The following PDLIM5 variants were observed in gnomAD, a reference collection of about 807,000 sequenced individuals.
PDLIM5 encodes PDZ and LIM domain protein 5.
Under a neutral mutation model 64.2 loss-of-function variants are expected in PDLIM5, and 34 were observed. The observed-to-expected ratio is 0.53, with a 90% CI of 0.40 to 0.71. PDLIM5 has a LOEUF of 0.71. Ranked by LOEUF, PDLIM5 falls within the 30% of genes least tolerant of loss-of-function variation. The pLI is 0.00. For missense variants in PDLIM5, 683 were observed against 733.6 expected (o/e 0.93, Z 0.80); for synonymous variants, 253 against 269.1 (o/e 0.94, Z 0.59).
intron 8 of PDLIM5, among the ~76,000 whole-genome samples, chr4:94,630,649 A>G (rs1346366820): frequency 1.3e-5 from 2 of 152,018 alleles, no homozygotes; most frequent in Non-Finnish European, 2.9e-5. Flanking sequence ...TGCTGGGATA[A>G]TAGGCGTGAG....
At chr4:94,564,028 G>A (rs1423588068) in intron 3 of PDLIM5, among the ~76,000 whole-genome samples, 4 of 144,454 alleles carry the variant, frequency 2.8e-5, no homozygotes, top group Non-Finnish European at 4.5e-5. Flanking sequence ...CAGAGGTGCA[G>A]TCTCGGCTTA....
chr4:94,486,222 T>C (rs541960629), intron 2 of PDLIM5, among the ~76,000 whole-genome samples: 1 of 152,276 alleles, frequency 6.6e-6, no homozygotes, highest in East Asian at 1.9e-4. Context: ...TTTGGAGATA[T>C]AACCAAATAA....
intron 11 of PDLIM5, among the ~76,000 whole-genome samples, chr4:94,658,217 G>C (rs1185606903): frequency 6.6e-6 from 1 of 152,190 alleles, no homozygotes; most frequent in South Asian, 2.1e-4. Flanking sequence ...ATATGATATT[G>C]ATTTGCCCTT....
chr4:94,603,740 C>T (rs907615348), intron 7 of PDLIM5, among the ~76,000 whole-genome samples: 2 of 152,186 alleles, frequency 1.3e-5, no homozygotes, highest in Non-Finnish European at 2.9e-5. Flanking sequence ...ATATTCCCAG[C>T]CATGCCTCAG....
In PDLIM5 at chr4:94,475,147, T is replaced by C. The variant is rs528007115; in HGVS notation, c.96+19763T>C. On this transcript the variant is annotated intron_variant, in intron 2 of 12. Transcript: ENST00000317968. ...ATGAAACTTCTGCCCTCCCCCGCCT[T>C]TTTTTTTTTACCTAAAGGAGGGGCA... Among the ~76,000 whole-genome samples, 10 of 147,182 alleles carry C rather than the reference T, an allele frequency of 6.8e-5. No individual in the cohort carries two copies. The East Asian group carries it at 2.0e-3, about 29-fold the overall frequency.
Position 94,625,337 on chromosome 4 carries a change from A to C in PDLIM5, c.1108+7146A>C, listed in dbSNP as rs915571618. 3.9e-5 allele frequency among the ~76,000 whole-genome samples: 6 copies of C among 152,194 alleles called. No homozygotes were observed. The East Asian group carries it at 1.2e-3, about 29-fold the overall frequency. ...GACAAGAAATTAGTGGATATTATTA[A>C]ACGTGTCCATGGAGGCAGGCATTCT... On this transcript the variant is annotated intron_variant, in intron 8 of 12. Transcript: ENST00000317968.
At chr4:94,660,929 A>T (rs1301548401) in intron 11 of PDLIM5, among the ~76,000 whole-genome samples, 1 of 133,332 alleles carries the variant, frequency 7.5e-6, no homozygotes, top group African/African-American at 2.7e-5. Flanking sequence ...AAAAAAATAA[A>T]AAAAATAGCC....
At chr4:94,651,304 C>A (rs763942701) in intron 9 of PDLIM5, among the ~76,000 whole-genome samples, 3 of 152,114 alleles carry the variant, frequency 2.0e-5, no homozygotes, top group Non-Finnish European at 2.9e-5. Context: ...CTGAGAGGAG[C>A]AAGGGTCATT....
chr4:94,623,774 G>C (rs1739440895), intron 8 of PDLIM5, among the ~76,000 whole-genome samples: 2 of 151,994 alleles, frequency 1.3e-5, no homozygotes, highest in Non-Finnish European at 2.9e-5. Context: ...CTGTCCTCCT[G>C]CCAAACTTGA....
intron 3 of PDLIM5, among the ~76,000 whole-genome samples, chr4:94,560,946 C>T (rs1442254006): frequency 1.3e-5 from 2 of 152,090 alleles, no homozygotes; most frequent in Middle Eastern, 3.2e-3. Context: ...CCAGGATGGT[C>T]TTGATCTCCT....
chr4:94,664,008 T>C lies in PDLIM5; in HGVS notation c.1732T>C (p.Phe578Leu). 1 of 1,603,780 alleles carries C rather than the reference T, an allele frequency of 6.2e-7. No individual in the cohort carries two copies. Among genetic ancestry groups the C allele is most frequent in the Non-Finnish European group, 8.5e-7 (1 of 1,172,730 alleles). ...VCCESLEGQTFFSKKDKPLCK... is the reference protein window; with the variant it reads ...VCCESLEGQTLFSKKDKPLCK... ...TTGTGAAAGTTTGGAAGGTCAGACCTTTTTCTCCAAGAAGGACAAGCCCCT... is the reference window on the plus strand; with the variant it reads ...TTGTGAAAGTTTGGAAGGTCAGACCCTTTTCTCCAAGAAGGACAAGCCCCT... Residue 578 changes from phenylalanine to leucine, a missense_variant, in exon 13 of 13, where the codon TTT becomes CTT. Physicochemically the swap from Phe to Leu is conservative, Grantham distance 22. Transcript: ENST00000317968.
intron 1 of PDLIM5, among the ~76,000 whole-genome samples, chr4:94,452,505 C>T (rs924475229): frequency 6.6e-6 from 1 of 152,252 alleles, no homozygotes; most frequent in Non-Finnish European, 1.5e-5. Context: ...ATTTATTTCT[C>T]CCCCAGATAT....
At chr4:94,587,387 A>C (rs917777783) in intron 7 of PDLIM5, 9 of 1,103,958 alleles carry the variant, frequency 8.2e-6, no homozygotes, top group Non-Finnish European at 9.9e-6. Context: ...AATTATTTTC[A>C]TAAGTTGAAT....
At chr4:94,520,405 A>G (rs567964815) in intron 2 of PDLIM5, among the ~76,000 whole-genome samples, 9 of 152,326 alleles carry the variant, frequency 5.9e-5, no homozygotes, top group Non-Finnish European at 1.0e-4. Context: ...GACAGATAGT[A>G]AACTACTGCT....
intron 2 of PDLIM5, among the ~76,000 whole-genome samples, chr4:94,503,669 A>G (rs1728131247): frequency 6.6e-6 from 1 of 152,202 alleles, no homozygotes; most frequent in South Asian, 2.1e-4. Flanking sequence ...TCCTATTTTA[A>G]AAAACCCAAA....
intron 2 of PDLIM5, among the ~76,000 whole-genome samples, chr4:94,473,731 T>A (rs1725081025): frequency 6.6e-6 from 1 of 152,242 alleles, no homozygotes; most frequent in Non-Finnish European, 1.5e-5. Flanking sequence ...AAGTTTGAAG[T>A]CTCTGCTGAT....
intron 2 of PDLIM5, among the ~76,000 whole-genome samples, chr4:94,517,131 G>A (rs557915971): frequency 1.8e-4 from 27 of 152,242 alleles, no homozygotes; most frequent in African/African-American, 4.3e-4. Flanking sequence ...TCAGTTGCTC[G>A]TAAAAACTTC....
At chr4:94,537,606 A>G (rs951696094) in intron 3 of PDLIM5, among the ~76,000 whole-genome samples, 33 of 152,270 alleles carry the variant, frequency 2.2e-4, no homozygotes, top group African/African-American at 7.9e-4. Flanking sequence ...CATAGTAGGA[A>G]TTTAGTAAGT....
rs1191822371 is a variant in PDLIM5 at position 94,575,892 on chromosome 4, T to A, written c.568T>A (p.Ser190Thr). The A allele has an allele frequency of 6.2e-7, 1 of 1,614,086 alleles. No individual in the cohort carries two copies. The highest frequency in any genetic ancestry group is 1.1e-5 in the South Asian group (1 of 91,082). Residue 190 changes from serine to threonine, a missense_variant, in exon 5 of 13, where the codon TCT becomes ACT. Ser to Thr is a moderately conservative substitution (Grantham distance 58). Transcript: ENST00000317968. The stretch of plus-strand genomic sequence containing the variant: ...TAATGCCAATCTTAGTGCTGACCAG[T>A]CTCCATCTGCACTGAGCGCTGGTAA... ...HANANLSADQSPSALSAGKTA... is the reference protein window; with the variant it reads ...HANANLSADQTPSALSAGKTA...
Sources: allele counts gnomAD v4.1 joint callset (sites outside exome capture counted in the v4.1 genomes callset), GRCh38; gene constraint gnomAD v4.1.1; transcripts MANE v1.5; gene names NCBI Gene and HGNC (gene_info 2026-07-23, HGNC 2026-07-21).